The following EXOC6B variants were observed in gnomAD, a reference collection of about 807,000 sequenced individuals.
EXOC6B encodes the protein SEC15 homolog B.
In EXOC6B, 54 loss-of-function variants were observed where a neutral mutation model predicts 113.5. The observed-to-expected ratio is 0.48, with a 90% CI of 0.38 to 0.60. EXOC6B has a LOEUF of 0.60. EXOC6B is among the 20% of genes least tolerant of loss of function. EXOC6B has a pLI of 0.00. For synonymous variants in EXOC6B, 357 were observed against 339.0 expected (o/e 1.05, Z -0.58); for missense variants, 797 against 977.5 (o/e 0.82, Z 2.46).
intron 1 of EXOC6B, among the ~76,000 whole-genome samples, chr2:72,804,165 C>A (rs1223413842): frequency 6.6e-6 from 1 of 152,214 alleles, no homozygotes; most frequent in East Asian, 1.9e-4. Context: ...AATGATACTG[C>A]TTTCACTAGT....
chr2:72,755,484 T>C (rs1468379009), intron 1 of EXOC6B, among the ~76,000 whole-genome samples: 1 of 151,748 alleles, frequency 6.6e-6, no homozygotes, highest in Non-Finnish European at 1.5e-5. Flanking sequence ...GCCAAAGCAG[T>C]GCCCAAAAAT....
At chr2:72,732,305 C>G (rs1040823994) in intron 3 of EXOC6B, among the ~76,000 whole-genome samples, 1 of 151,982 alleles carries the variant, frequency 6.6e-6, no homozygotes, top group African/African-American at 2.4e-5. Context: ...TGCACCTCCA[C>G]GCCTGGTTAT....
intron 18 of EXOC6B, among the ~76,000 whole-genome samples, chr2:72,403,647 T>C (rs1026284590): frequency 6.6e-6 from 1 of 152,066 alleles, no homozygotes; most frequent in African/African-American, 2.4e-5. Context: ...TGAGCTATGA[T>C]TGTGCCACTG....
At chr2:72,459,306 G>T (rs1697468103) in intron 18 of EXOC6B, among the ~76,000 whole-genome samples, 1 of 152,190 alleles carries the variant, frequency 6.6e-6, no homozygotes, top group Non-Finnish European at 1.5e-5. Flanking sequence ...AGACAGGGAT[G>T]CCCTCTCTCA....
chr2:72,518,817 G>A (rs1701348157), intron 8 of EXOC6B, among the ~76,000 whole-genome samples: 1 of 152,038 alleles, frequency 6.6e-6, no homozygotes, highest in Admixed American at 6.6e-5. Flanking sequence ...TAGATATTTT[G>A]GAAGTTGTAC....
chr2:72,820,464 ATCAG>A (rs1237434427), intron 1 of EXOC6B, among the ~76,000 whole-genome samples: 4 of 152,162 alleles, frequency 2.6e-5, no homozygotes, highest in South Asian at 2.1e-4. Flanking sequence ...GAAGACAATA[ATCAG>A]TCCCTAAAGT....
intron 20 of EXOC6B, among the ~76,000 whole-genome samples, chr2:72,217,807 A>G (rs1441115344): frequency 2.0e-5 from 3 of 152,202 alleles, no homozygotes; most frequent in Non-Finnish European, 4.4e-5. Context: ...AGCATCTTGA[A>G]GTCTCCTTGA....
chr2:72,433,713 T>C (rs775032402), intron 18 of EXOC6B, among the ~76,000 whole-genome samples: 4 of 152,196 alleles, frequency 2.6e-5, no homozygotes, highest in Non-Finnish European at 5.9e-5. Flanking sequence ...TGTTTGTCTA[T>C]TATTGGTGTA....
chr2:72,511,440 C>T (rs1700888563), intron 11 of EXOC6B, among the ~76,000 whole-genome samples: 1 of 152,068 alleles, frequency 6.6e-6, no homozygotes, highest in Admixed American at 6.6e-5. Flanking sequence ...ATCTTACTTC[C>T]TAAAAATCTC....
intron 6 of EXOC6B, among the ~76,000 whole-genome samples, chr2:72,654,294 A>G (rs983150273): frequency 6.6e-6 from 1 of 152,140 alleles, no homozygotes; most frequent in Admixed American, 6.5e-5. Flanking sequence ...TAGAGATCAG[A>G]TTTTTCTCCA....
chr2:72,576,937 G>GA (rs964731027), intron 6 of EXOC6B, among the ~76,000 whole-genome samples: 10 of 152,038 alleles, frequency 6.6e-5, no homozygotes, highest in East Asian at 1.9e-4. Flanking sequence ...TTAGTTCAGG[G>GA]AAAAAATCAG....
chr2:72,618,829 T>C (rs1055605262), intron 6 of EXOC6B, among the ~76,000 whole-genome samples: 9 of 152,172 alleles, frequency 5.9e-5, no homozygotes, highest in African/African-American at 2.2e-4. Flanking sequence ...TTCTGGAAAC[T>C]AACCCTACTC....
chr2:72,581,157 C>A (rs1198849384), intron 6 of EXOC6B, among the ~76,000 whole-genome samples: 4 of 152,132 alleles, frequency 2.6e-5, no homozygotes, highest in Admixed American at 2.6e-4. Context: ...ATGTCAAAAT[C>A]AAGATAGGAA....
chr2:72,664,739 C>T (rs563788087), intron 6 of EXOC6B, among the ~76,000 whole-genome samples: 2 of 152,336 alleles, frequency 1.3e-5, no homozygotes, highest in South Asian at 4.1e-4. Context: ...TGCCCAGCAG[C>T]CCTTTGAAAG....
intron 5 of EXOC6B, among the ~76,000 whole-genome samples, chr2:72,721,194 TG>T (rs1401434407): frequency 3.3e-5 from 5 of 151,546 alleles, no homozygotes; most frequent in Non-Finnish European, 1.5e-5. Context: ...TCGGGCATGT[TG>T]GTGGGAGCCT....
chr2:72,340,266 A>T (rs2104902465), intron 19 of EXOC6B, among the ~76,000 whole-genome samples: 1 of 152,318 alleles, frequency 6.6e-6, no homozygotes, highest in South Asian at 2.1e-4. Context: ...ATCTATCTAC[A>T]TATATAGGAC....
rs555916589 is a variant in EXOC6B, at chr2:72,179,992, A to G, written c.2310-531T>C. ...AAACCTCACTCTAGCTGGCTACTCT[A>G]TCCTATCCCCAACAAAACTAAGGGC... On this transcript the variant is annotated intron_variant, in intron 21 of 21. Transcript: ENST00000272427. Among the ~76,000 whole-genome samples, 25 of 152,320 alleles carry G rather than the reference A, an allele frequency of 1.6e-4. No individual in the cohort carries two copies. The South Asian group carries it at 5.0e-3, about 30-fold the overall frequency.
At chr2:72,817,852 T>G (rs1042755457) in intron 1 of EXOC6B, among the ~76,000 whole-genome samples, 1 of 152,192 alleles carries the variant, frequency 6.6e-6, no homozygotes, top group Non-Finnish European at 1.5e-5. Context: ...ATTACCATAT[T>G]GCATGCCATA....
At position 72,209,233 on chromosome 2, in the gene EXOC6B, AAAAAAAAAAAAAAAGAAAAG is replaced by A. The variant is rs1288130109; in HGVS notation, c.2197-25066_2197-25047del. ...AGCAAAACTCAGTCTCAAAAAAAAA[AAAAAAAAAAAAAAAGAAAAG>A]AAAAGAAAAGAAAAGAAAAAAGAAA... On this transcript the variant is annotated intron_variant, in intron 20 of 21. Coordinates refer to ENST00000272427, the MANE Select transcript of EXOC6B (RefSeq NM_015189.3). 7.1e-5 allele frequency among the ~76,000 whole-genome samples: 10 copies of A among 139,906 alleles called. 1 individual carries two copies. The Admixed American group carries it at 7.5e-4, about 10-fold the overall frequency. The allele number at this position is 139,906 out of a possible 152,430, so 91.8% of individuals were successfully genotyped here.
Sources: gnomAD v4.1 joint callset for allele counts (sites outside exome capture counted in the v4.1 genomes callset) on GRCh38, gnomAD v4.1.1 for gene constraint, MANE v1.5 for transcripts, NCBI Gene and HGNC (gene_info 2026-07-23, HGNC 2026-07-21) for gene names.